EEF1AKMT1: variants seen among roughly 807,000 people sequenced by gnomAD.
The protein encoded by EEF1AKMT1 is N-6 adenine-specific DNA methyltransferase 2 (putative).
A neutral mutation model predicts 21.0 loss-of-function variants in EEF1AKMT1; 18 were observed. The observed-to-expected ratio is 0.86, with a 90% confidence interval of 0.59 to 1.27. The LOEUF (loss-of-function observed/expected upper bound fraction) is 1.27. Among genes scored for constraint, EEF1AKMT1 ranks in the 50% most tolerant of loss-of-function variants. EEF1AKMT1 has a pLI of 0.00. For missense variants in EEF1AKMT1, 246 were observed against 258.6 expected (o/e 0.95, Z 0.33); for synonymous variants, 109 against 94.8 (o/e 1.15, Z -0.87).
At chr13:20,754,262 G>GTTTTTTTTTTTTTTTT (rs386378396) in intron 2 of EEF1AKMT1, among the ~76,000 whole-genome samples, 1 of 114,688 alleles carries the variant, frequency 8.7e-6, no homozygotes, top group Non-Finnish European at 2.2e-5. Context: ...TTTGTTGGCA[G>GTTTTTTTTTTTTTTTT]TTTTTTTTTC....
intron 1 of EEF1AKMT1, among the ~76,000 whole-genome samples, chr13:20,767,142 T>C (rs1188721245): frequency 1.3e-5 from 2 of 151,348 alleles, no homozygotes; most frequent in Non-Finnish European, 2.9e-5. Flanking sequence ...CCGTCTCCAC[T>C]AAAAATACAA....
intron 3 of EEF1AKMT1, among the ~76,000 whole-genome samples, chr13:20,734,951 C>A (rs1160783898): frequency 6.6e-6 from 1 of 152,136 alleles, no homozygotes; most frequent in Non-Finnish European, 1.5e-5. Flanking sequence ...TGAACACATT[C>A]ATTTACATTT....
At chr13:20,772,769 A>T (rs1403219216) in intron 1 of EEF1AKMT1, among the ~76,000 whole-genome samples, 3 of 152,178 alleles carry the variant, frequency 2.0e-5, no homozygotes, top group African/African-American at 7.2e-5. Context: ...ATAAGCAGGG[A>T]TTAGCTGGCT....
intron 2 of EEF1AKMT1, among the ~76,000 whole-genome samples, chr13:20,740,145 C>T (rs760319362): frequency 2.8e-4 from 42 of 152,226 alleles, no homozygotes; most frequent in South Asian, 2.1e-4. Flanking sequence ...TGGGATCCGG[C>T]GCACCCTCTG....
intron 2 of EEF1AKMT1, among the ~76,000 whole-genome samples, chr13:20,740,040 G>A (rs544846409): frequency 7.5e-4 from 114 of 152,372 alleles, no homozygotes; most frequent in Admixed American, 3.3e-3. Context: ...GAGGAGGCTC[G>A]GGCATGGTGG....
At chr13:20,766,735 T>C (rs569483008) in intron 1 of EEF1AKMT1, among the ~76,000 whole-genome samples, 2 of 151,970 alleles carry the variant, frequency 1.3e-5, no homozygotes, top group African/African-American at 4.8e-5. Context: ...GACAAGAGAA[T>C]TGCTTGAACC....
In EEF1AKMT1 at chr13:20,757,491, A is replaced by G; in HGVS notation, c.108T>C (p.Asp36=). 1 of 1,614,146 alleles carries G rather than the reference A, an allele frequency of 6.2e-7. No individual in the cohort carries two copies. The highest frequency in any genetic ancestry group is 1.1e-5 in the South Asian group (1 of 91,082). The part of the protein sequence containing the change: ...EQKQQIEPGE[D]DKYNIGIIEE... Reference sequence around the variant, plus strand: ...CTATTATTCCAATGTTATATTTATCATCCTCGCCTGGCTCAATTTGTTGCT... The same window carrying G: ...CTATTATTCCAATGTTATATTTATCGTCCTCGCCTGGCTCAATTTGTTGCT... Residue 36 remains aspartate (D), a synonymous_variant, in exon 2 of 5, where the codon GAT becomes GAC. Coordinates refer to ENST00000382758, the MANE Select transcript of EEF1AKMT1 (RefSeq NM_001318939.2).
intron 2 of EEF1AKMT1, among the ~76,000 whole-genome samples, chr13:20,741,456 C>CTTT (rs562645355): frequency 3.6e-5 from 4 of 112,202 alleles, no homozygotes; most frequent in African/African-American, 1.4e-4. Context: ...ATTGTAATTA[C>CTTT]TTTTTTTTTT....
chr13:20,741,344 T>A (rs1376947257), intron 2 of EEF1AKMT1, among the ~76,000 whole-genome samples: 1 of 152,116 alleles, frequency 6.6e-6, no homozygotes. Flanking sequence ...TAGTTTTCTC[T>A]GCTGTTCCAT....
At chr13:20,736,386 A>C (rs1167227109) in intron 3 of EEF1AKMT1, among the ~76,000 whole-genome samples, 1 of 152,166 alleles carries the variant, frequency 6.6e-6, no homozygotes, top group Non-Finnish European at 1.5e-5. Context: ...AGGTTCTAAA[A>C]ACTTCCCTCC....
intron 1 of EEF1AKMT1, among the ~76,000 whole-genome samples, chr13:20,765,423 T>TTTG (rs2059024953): frequency 2.2e-5 from 3 of 135,284 alleles, no homozygotes; most frequent in African/African-American, 8.4e-5. Context: ...TTTTTTTTTT[T>TTTG]TTTTTTTGAG....
At chr13:20,748,771 C>G (rs1433243663) in intron 2 of EEF1AKMT1, among the ~76,000 whole-genome samples, 6 of 125,726 alleles carry the variant, frequency 4.8e-5, no homozygotes, top group Non-Finnish European at 9.6e-5. Context: ...ACTCTGTCAC[C>G]CAGGCTGGCA....
At chr13:20,739,364 A>C (rs930494909) in intron 2 of EEF1AKMT1, among the ~76,000 whole-genome samples, 7 of 152,168 alleles carry the variant, frequency 4.6e-5, no homozygotes, top group African/African-American at 1.7e-4. Flanking sequence ...GCCGCTAAGC[A>C]GGGGCAGCCT....
At chr13:20,740,170 G>A (rs1314379755) in intron 2 of EEF1AKMT1, among the ~76,000 whole-genome samples, 1 of 152,258 alleles carries the variant, frequency 6.6e-6, no homozygotes, top group Non-Finnish European at 1.5e-5. Context: ...TGCTGGCCTA[G>A]GTGCTAAGTC....
chr13:20,752,831 T>G (rs1299814273), intron 2 of EEF1AKMT1, among the ~76,000 whole-genome samples: 1 of 150,606 alleles, frequency 6.6e-6, no homozygotes, highest in African/African-American at 2.4e-5. Flanking sequence ...TTGTCTTTTG[T>G]TTTTTTTTCT....
chr13:20,768,461 T>C (rs1478477013), intron 1 of EEF1AKMT1, among the ~76,000 whole-genome samples: 2 of 152,200 alleles, frequency 1.3e-5, no homozygotes, highest in East Asian at 1.9e-4. Flanking sequence ...AGTCAGGTAT[T>C]GTTCCTTCAA....
At chr13:20,768,849 G>C (rs1267079421) in intron 1 of EEF1AKMT1, 1 of 152,054 alleles carries the variant, frequency 6.6e-6, no homozygotes. Context: ...ATTTATAAAG[G>C]TGACAGAGAG....
At chr13:20,772,376 G>A (rs541502767) in intron 1 of EEF1AKMT1, among the ~76,000 whole-genome samples, 18 of 152,274 alleles carry the variant, frequency 1.2e-4, no homozygotes, top group Non-Finnish European at 2.5e-4. Flanking sequence ...TTGTCGCTAA[G>A]GGGAACATCT....
At chr13:20,746,287 G>C (rs2058903873) in intron 2 of EEF1AKMT1, among the ~76,000 whole-genome samples, 3 of 151,994 alleles carry the variant, frequency 2.0e-5, no homozygotes, top group African/African-American at 7.2e-5. Flanking sequence ...CAAGTAGCTG[G>C]GATTACAAGT....
Sources: gnomAD v4.1 joint callset for allele counts (sites outside exome capture counted in the v4.1 genomes callset) on GRCh38, gnomAD v4.1.1 for gene constraint, MANE v1.5 for transcripts, NCBI Gene and HGNC (gene_info 2026-07-23, HGNC 2026-07-21) for gene names.